The following TRDN variants were observed in gnomAD, a reference collection of about 807,000 sequenced individuals.
TRDN encodes triadin in skeletal muscle.
In TRDN, 161 loss-of-function variants were observed where a neutral mutation model predicts 149.7. The ratio of observed to expected loss-of-function variants is 1.08; its 90% CI spans 0.95 to 1.23. The LOEUF (loss-of-function observed/expected upper bound fraction) is 1.23, where lower values mean the gene tolerates loss of function less well. Among genes scored for constraint, TRDN ranks in the 50% most tolerant of loss-of-function variants. TRDN has a pLI of 0.00. For missense variants in TRDN, 896 were observed against 823.5 expected (o/e 1.09, Z -1.08); for synonymous variants, 294 against 250.5 (o/e 1.17, Z -1.64).
rs531356809 is a variant in TRDN, at chr6:123,233,696, C to T, written c.1976-9565G>A. Among the ~76,000 whole-genome samples, 133 of 152,150 alleles carry T rather than the reference C, an allele frequency of 8.7e-4. 1 individual carries two copies. Among genetic ancestry groups the T allele is most frequent in the Non-Finnish European group, 1.5e-3 (100 of 67,986 alleles). Reference sequence around the variant, plus strand: ...TGATCACTGGCACATATTAAGGAGACTTCAGCCAATTTTTTCTCCTAAAAC... The same window carrying T: ...TGATCACTGGCACATATTAAGGAGATTTCAGCCAATTTTTTCTCCTAAAAC... On this transcript the variant is annotated intron_variant, in intron 38 of 40. Coordinates refer to ENST00000334268, the MANE Select transcript of TRDN (RefSeq NM_006073.4).
chr6:123,587,414 G>A (rs572025909), intron 1 of TRDN, among the ~76,000 whole-genome samples: 4 of 152,124 alleles, frequency 2.6e-5, no homozygotes, highest in Non-Finnish European at 5.9e-5. Flanking sequence ...GTGGTTGAGG[G>A]ACAGTGAGAG....
intron 12 of TRDN, among the ~76,000 whole-genome samples, chr6:123,433,316 T>C (rs1401223867): frequency 1.3e-5 from 2 of 151,724 alleles, no homozygotes; most frequent in Non-Finnish European, 2.9e-5. Flanking sequence ...CAACGCATTA[T>C]ATTCTATCAT....
chr6:123,348,854 T>C (rs1780351158), intron 21 of TRDN, among the ~76,000 whole-genome samples: 2 of 152,142 alleles, frequency 1.3e-5, no homozygotes, highest in African/African-American at 4.8e-5. Context: ...GTCAAAGGGA[T>C]ACATAAAGTT....
At chr6:123,220,687 G>A (rs912584476) in intron 40 of TRDN, among the ~76,000 whole-genome samples, 10 of 151,750 alleles carry the variant, frequency 6.6e-5, no homozygotes, top group African/African-American at 2.4e-4. Flanking sequence ...GGAGGCATTT[G>A]CTATTGTAAG....
intron 23 of TRDN, among the ~76,000 whole-genome samples, chr6:123,322,762 T>G (rs1056321932): frequency 2.0e-5 from 3 of 151,710 alleles, no homozygotes; most frequent in Admixed American, 2.0e-4. Context: ...TGCCTCAGCC[T>G]CCCCAGCAGC....
chr6:123,236,750 G>A (rs1363491030), intron 38 of TRDN, among the ~76,000 whole-genome samples: 2 of 152,028 alleles, frequency 1.3e-5, no homozygotes, highest in East Asian at 3.9e-4. Context: ...AAATGGTTAT[G>A]TTATGTGGGT....
chr6:123,625,128 A>G (rs952379988), intron 1 of TRDN, among the ~76,000 whole-genome samples: 1 of 151,296 alleles, frequency 6.6e-6, no homozygotes, highest in African/African-American at 2.4e-5. Context: ...TTACTCCTTG[A>G]AAAATCATTA....
In TRDN at chr6:123,457,244, C is replaced by T. The variant is rs145107308; in HGVS notation, c.931+7662G>A. On this transcript the variant is annotated intron_variant, in intron 10 of 40. Coordinates refer to ENST00000334268, the MANE Select transcript of TRDN (RefSeq NM_006073.4). ...AACAGAAGGCCCTTTTCCTGTTTCCCGCATCATGGGGGAACATTCCTGGTC... is the reference window on the plus strand; with the variant it reads ...AACAGAAGGCCCTTTTCCTGTTTCCTGCATCATGGGGGAACATTCCTGGTC... Among the ~76,000 whole-genome samples, 15 of 146,978 alleles carry T rather than the reference C, an allele frequency of 1.0e-4. No individual in the cohort carries two copies. In the East Asian group the frequency reaches 2.6e-3, roughly 25 times the overall value.
At chr6:123,391,838 T>C (rs1014064406) in intron 13 of TRDN, among the ~76,000 whole-genome samples, 25 of 152,018 alleles carry the variant, frequency 1.6e-4, no homozygotes, top group Non-Finnish European at 8.8e-5. Context: ...AAAAAATCAG[T>C]CTACTATAGG....
chr6:123,339,031 GT>G (rs748598442), intron 21 of TRDN, among the ~76,000 whole-genome samples: 1 of 151,280 alleles, frequency 6.6e-6, no homozygotes, highest in South Asian at 2.1e-4. Context: ...TTTTGTTTTT[GT>G]TTTTTTTGTC....
At chr6:123,436,666 G>A (rs9482385) in intron 12 of TRDN, among the ~76,000 whole-genome samples, 22,092 of 151,834 alleles carry the variant, frequency 0.15, 2,216 homozygotes, top group African/African-American at 0.29. Context: ...CTAAAATGCC[G>A]TCTAACCCAG....
intron 12 of TRDN, among the ~76,000 whole-genome samples, chr6:123,433,054 C>T (rs571334595): frequency 1.3e-5 from 2 of 149,976 alleles, no homozygotes; most frequent in East Asian, 2.0e-4. Context: ...TCTTCCATTA[C>T]ACTTTTAATA....
At chr6:123,512,755 T>A (rs965276855) in intron 6 of TRDN, among the ~76,000 whole-genome samples, 1 of 151,840 alleles carries the variant, frequency 6.6e-6, no homozygotes, top group East Asian at 1.9e-4. Context: ...CAAATCATCA[T>A]ACATTTTTCA....
intron 8 of TRDN, among the ~76,000 whole-genome samples, chr6:123,499,719 AATATATAT>A (rs71272328): frequency 1.3e-4 from 6 of 47,676 alleles, no homozygotes; most frequent in Admixed American, 3.0e-4. Context: ...AAAAAAAAAA[AATATATAT>A]ATATATATAT....
Position 123,548,571 on chromosome 6 carries a change from C to A in TRDN, c.274G>T (p.Val92Leu), listed in dbSNP as rs34808221. ...GTGGTTTCCTCCATAGCATCACGTA[C>A]CAGTTTTAAAGGATCTGAGCCAATC... ...AKIGSDPLKL[V>L]RDAMEETTDW... The change falls in exon 3 of 41, where the codon GTA (valine) becomes TTA (leucine). Residue 92 changes from valine (V) to leucine (L), a missense_variant. Val to Leu is a conservative substitution (Grantham distance 32). Transcript: ENST00000334268. 2 of 1,555,520 alleles carry A rather than the reference C, an allele frequency of 1.3e-6. No homozygotes were observed. The highest frequency in any genetic ancestry group is 2.7e-5 in the African/African-American group (2 of 72,820).
In TRDN at chr6:123,438,556, A is replaced by G. The variant is rs567426151; in HGVS notation, c.991+388T>C. Among the ~76,000 whole-genome samples the G allele has an allele frequency of 2.6e-5, 4 of 152,238 alleles. No homozygotes were observed. In the East Asian group the frequency reaches 5.8e-4, roughly 22 times the overall value. ...AAACAACCAATTAAAATATATATAT[A>G]TGTGTAAAACAAACCAATCAAGTAT... On this transcript the variant is annotated intron_variant, in intron 11 of 40. Coordinates refer to ENST00000334268, the MANE Select transcript of TRDN (RefSeq NM_006073.4).
In TRDN at chr6:123,266,453, G is replaced by A. The variant is rs1341355939; in HGVS notation, c.1784-1115C>T. On this transcript the variant is annotated intron_variant, in intron 32 of 40. Coordinates refer to ENST00000334268, the MANE Select transcript of TRDN (RefSeq NM_006073.4). ...GTATTATATATAATATATAGATTAT[G>A]ATATGTATTATATATAATATATATA... 1.7e-3 allele frequency among the ~76,000 whole-genome samples: 112 copies of A among 67,592 alleles called. 43 individuals are homozygous for A. Among genetic ancestry groups the A allele is most frequent in the South Asian group, 0.011 (24 of 2,118 alleles). 44.3% of individuals were successfully genotyped at this position (67,592 alleles called of 152,430 possible).
intron 24 of TRDN, among the ~76,000 whole-genome samples, chr6:123,289,640 C>A (rs1293238854): frequency 6.6e-6 from 1 of 152,120 alleles, no homozygotes; most frequent in African/African-American, 2.4e-5. Context: ...GATTACAACC[C>A]CTTTCATAGA....
At chr6:123,250,207 G>C (rs1246064679) in intron 38 of TRDN, among the ~76,000 whole-genome samples, 1 of 152,006 alleles carries the variant, frequency 6.6e-6, no homozygotes, top group East Asian at 1.9e-4. Flanking sequence ...ACAAACAAAA[G>C]ACATGACTTG....
Sources: gnomAD v4.1 joint callset for allele counts (sites outside exome capture counted in the v4.1 genomes callset) on GRCh38, gnomAD v4.1.1 for gene constraint, MANE v1.5 for transcripts, NCBI Gene and HGNC (gene_info 2026-07-23, HGNC 2026-07-21) for gene names.